Variants in MRC2 observed in about 807,000 individuals in gnomAD.
MRC2 encodes the protein mannose receptor C-type 2.
MRC2 carries 84 observed loss-of-function variants against 206.2 expected under a neutral mutation model. The observed-to-expected ratio is 0.41, with a 90% CI of 0.34 to 0.49. The LOEUF (loss-of-function observed/expected upper bound fraction) is 0.49, where lower values mean the gene tolerates loss of function less well. Ranked by LOEUF, MRC2 falls within the 20% of genes least tolerant of loss-of-function variation. MRC2 has a pLI of 0.31. For missense variants in MRC2, 1,676 were observed against 2,001.5 expected, an observed-to-expected ratio of 0.84 and a Z score of 3.10; for synonymous variants, 798 against 800.0, an observed-to-expected ratio of 1.00 and a Z score of 0.04.
rs903383664 is a variant in MRC2, at chr17:62,667,858, A to C, written c.1117+325A>C. Among the ~76,000 whole-genome samples the C allele has an allele frequency of 4.1e-4, 62 of 152,208 alleles. No individual in the cohort carries two copies. Among genetic ancestry groups the C allele is most frequent in the African/African-American group, 8.2e-4 (34 of 41,438 alleles). ...GTCATGAGTGATTATAGAAATATGG[A>C]TCAGTGTTAGAGGAGCATAGAGAAG... On this transcript the variant is annotated intron_variant, in intron 6 of 29. Coordinates refer to ENST00000303375, the MANE Select transcript of MRC2 (RefSeq NM_006039.5). The surrounding 1 kb of genome is among the most constrained non-coding windows in gnomAD (Gnocchi z 4.1).
chr17:62,677,290 T>G lies in MRC2; in HGVS notation c.1856T>G (p.Val619Gly), dbSNP rs770423487. The G allele has an allele frequency of 6.2e-7, 1 of 1,604,270 alleles. No homozygotes were observed. ...DQPGYSRGGC[V>G]ALATGSAMGL... is the part of the protein sequence containing the mutation. ...TCAGGGTACAGCCGTGGGGGCTGCG[T>G]GGCGCTGGCCACTGGCAGCGCCATG... Residue 619 changes from valine (V) to glycine (G), a missense_variant, in exon 12 of 30, where the codon GTG becomes GGG. Coordinates refer to ENST00000303375, the MANE Select transcript of MRC2 (RefSeq NM_006039.5).
chr17:62,671,635 A>C lies in MRC2; in HGVS notation c.1118-14A>C, dbSNP rs193117332. ...GGCTCAGTCCCTGAGCAGCAGCCTC[A>C]TGGGTCTCTGCAGACAGGTGGGCCA... On this transcript the variant is annotated splice_polypyrimidine_tract_variant and intron_variant, in intron 6 of 29. Transcript: ENST00000303375. This position sits in a 1 kb window ranked among gnomAD's most constrained non-coding sequence, Gnocchi z 4.5. 9.9e-5 allele frequency: 154 copies of C among 1,552,552 alleles called. No homozygotes were observed. In the African/African-American group the frequency reaches 1.7e-3, roughly 18 times the overall value.
At position 62,654,043 on chromosome 17, in the gene MRC2, G is replaced by A. The variant is rs76594561; in HGVS notation, c.119-10505G>A. Among the ~76,000 whole-genome samples the A allele has an allele frequency of 1.7e-3, 257 of 152,270 alleles. 4 individuals carry two copies. In the East Asian group the frequency reaches 0.042, roughly 25 times the overall value. On this transcript the variant is annotated intron_variant, in intron 1 of 29. Coordinates refer to ENST00000303375, the MANE Select transcript of MRC2 (RefSeq NM_006039.5). Reference sequence around the variant, plus strand: ...TGACTCAAGGACATTTCCAGGCCTGGCCTGGAGGTTAAGCAGCTCATTGAA... The same window carrying A: ...TGACTCAAGGACATTTCCAGGCCTGACCTGGAGGTTAAGCAGCTCATTGAA...
Position 62,680,650 on chromosome 17 carries a change from G to A in MRC2, c.2474-150G>A. ...GGAGGCGAGGCAAGCCTGGGGCCTG[G>A]GGCCTGGCACGGTGCCTGCCTGGGT... is the stretch of plus-strand genomic sequence containing the variant. On this transcript the variant is annotated intron_variant, in intron 16 of 29. Coordinates refer to ENST00000303375, the MANE Select transcript of MRC2 (RefSeq NM_006039.5). The surrounding 1 kb of genome is among the most constrained non-coding windows in gnomAD (Gnocchi z 4.8). The A allele has an allele frequency of 1.1e-5, 14 of 1,275,246 alleles. No individual in the cohort carries two copies. Among genetic ancestry groups the A allele is most frequent in the Non-Finnish European group, 1.5e-5 (14 of 950,432 alleles). 79.0% of individuals were successfully genotyped at this position (1,275,246 alleles called of 1,614,324 possible). A position where few individuals can be genotyped will look rare whatever the true frequency, so the allele number is the denominator to read the frequency against.
chr17:62,666,031 G>A lies in MRC2; in HGVS notation c.521-63G>A, dbSNP rs1192409243. 5.3e-6 allele frequency: 8 copies of A among 1,505,480 alleles called. No homozygotes were observed. The highest frequency in any genetic ancestry group is 2.5e-5 in the East Asian group (1 of 40,622). 93.3% of individuals were successfully genotyped at this position (1,505,480 alleles called of 1,614,324 possible). A position where few individuals can be genotyped will look rare whatever the true frequency, so the allele number is the denominator to read the frequency against. Reference sequence around the variant, plus strand: ...TTTTAGGGGATTTCTCCTGAGGGTCGAGGGGCTTGGCAGCCTCTGGTGTCC... The same window carrying A: ...TTTTAGGGGATTTCTCCTGAGGGTCAAGGGGCTTGGCAGCCTCTGGTGTCC... On this transcript the variant is annotated intron_variant, in intron 2 of 29. Coordinates refer to ENST00000303375, the MANE Select transcript of MRC2 (RefSeq NM_006039.5). This position sits in a 1 kb window ranked among gnomAD's most constrained non-coding sequence, Gnocchi z 5.0.
rs770045115 is a variant in MRC2 at position 62,689,877 on chromosome 17, T to TG, written c.3574-15dup. The TG allele has an allele frequency of 7.6e-6, 12 of 1,577,224 alleles. No homozygotes were observed. In the South Asian group the frequency reaches 1.4e-4, roughly 18 times the overall value. On this transcript the variant is annotated splice_polypyrimidine_tract_variant and intron_variant, in intron 24 of 29. Coordinates refer to ENST00000303375, the MANE Select transcript of MRC2 (RefSeq NM_006039.5). ...TGACTATTCCCTTCCTCCCACCCCA[T>TG]GGCCCCCCATGCCCAGGGCTCTCGG...
At chr17:62,647,106 G>T (rs764061558) in intron 1 of MRC2, among the ~76,000 whole-genome samples, 1 of 151,798 alleles carries the variant, frequency 6.6e-6, no homozygotes, top group South Asian at 2.1e-4. Flanking sequence ...GAACAAGAAT[G>T]CAAAAGCGTC....
chr17:62,666,749 G>T lies in MRC2; in HGVS notation c.860-8G>T, dbSNP rs945638657. ...GATCCCCTGTTCAGTGTCCCTCCTT[G>T]CTGTCAGGCCTCCTCACTGGGTACA... On this transcript the variant is annotated splice_polypyrimidine_tract_variant and splice_region_variant and intron_variant, in intron 4 of 29. Coordinates refer to ENST00000303375, the MANE Select transcript of MRC2 (RefSeq NM_006039.5). The surrounding 1 kb of genome is among the most constrained non-coding windows in gnomAD (Gnocchi z 5.0). 6.2e-7 allele frequency: 1 copy of T among 1,612,932 alleles called. No individual in the cohort carries two copies. Among genetic ancestry groups the T allele is most frequent in the Non-Finnish European group, 8.5e-7 (1 of 1,179,436 alleles).
At chr17:62,673,391 T>TAG (rs2088850710) in intron 8 of MRC2, among the ~76,000 whole-genome samples, 1 of 152,184 alleles carries the variant, frequency 6.6e-6, no homozygotes, top group Non-Finnish European at 1.5e-5. Context: ...AGGCACTAGC[T>TAG]AGACGCCTTG....
At chr17:62,628,035 G>T (rs921497644) in intron 1 of MRC2, 115 bp downstream of exon 1, 8 of 652,072 alleles carry the variant, frequency 1.2e-5, no homozygotes, top group South Asian at 6.6e-5. Context: ...AAGCGTGTGT[G>T]CGTGTGTGTG....
At position 62,664,774 on chromosome 17, in the gene MRC2, A is replaced by G. The variant is rs2147464003; in HGVS notation, c.345A>G (p.Glu115=). Residue 115 remains glutamate (E), a synonymous_variant, in exon 2 of 30, where the codon GAA becomes GAG. Coordinates refer to ENST00000303375, the MANE Select transcript of MRC2 (RefSeq NM_006039.5). The surrounding 1 kb of genome is among the most constrained non-coding windows in gnomAD (Gnocchi z 4.7). ...ASLGMYECDR[E]ALNLRWHCRT... is the part of the protein sequence containing the mutation. ...TGGGCATGTATGAGTGTGACCGGGA[A>G]GCACTGAATCTTCGCTGGCATTGTC... 6.2e-7 allele frequency: 1 copy of G among 1,614,030 alleles called. No individual in the cohort carries two copies. Among genetic ancestry groups the G allele is most frequent in the Non-Finnish European group, 8.5e-7 (1 of 1,180,036 alleles).
chr17:62,676,999 C>A (rs1294378114), intron 11 of MRC2, among the ~76,000 whole-genome samples: 2 of 152,256 alleles, frequency 1.3e-5, no homozygotes, highest in Admixed American at 6.5e-5. Context: ...ATCTTTCTAA[C>A]CCCTTCAATA....
chr17:62,655,986 C>G (rs1442263722), intron 1 of MRC2, among the ~76,000 whole-genome samples: 2 of 152,084 alleles, frequency 1.3e-5, no homozygotes, highest in Non-Finnish European at 2.9e-5. Flanking sequence ...GACTCCTCGG[C>G]TCAGTTATTC....
At chr17:62,632,384 G>A (rs1041121797) in intron 1 of MRC2, among the ~76,000 whole-genome samples, 1 of 152,120 alleles carries the variant, frequency 6.6e-6, no homozygotes, top group Non-Finnish European at 1.5e-5. Context: ...CTCTCACAGC[G>A]CAGACCCTTC....
rs140668460 is a variant in MRC2, at chr17:62,681,924, G to C, written c.2790G>C (p.Met930Ile). The C allele has an allele frequency of 6.2e-7, 1 of 1,613,684 alleles. No individual in the cohort carries two copies. Among genetic ancestry groups the C allele is most frequent in the Non-Finnish European group, 8.5e-7 (1 of 1,179,884 alleles). Residue 930 changes from methionine (M) to isoleucine (I), a missense_variant, in exon 19 of 30, where the codon ATG becomes ATC. Transcript: ENST00000303375. ...PVGKDKKCVYMTASREDWGDQ... is the reference protein window; with the variant it reads ...PVGKDKKCVYITASREDWGDQ... ...GCAAGGACAAGAAGTGCGTGTACAT[G>C]ACAGCCAGCCGAGGTGAGGGCAAGG...
chr17:62,666,691 G>A lies in MRC2; in HGVS notation c.860-66G>A. On this transcript the variant is annotated intron_variant, in intron 4 of 29. Coordinates refer to ENST00000303375, the MANE Select transcript of MRC2 (RefSeq NM_006039.5). This position sits in a 1 kb window ranked among gnomAD's most constrained non-coding sequence, Gnocchi z 5.0. Reference sequence around the variant, plus strand: ...CCTTTCCGCTTGTGGGTTGGGGAGAGGGCGATGGGGAGCGGGGGAGGCTGG... The same window carrying A: ...CCTTTCCGCTTGTGGGTTGGGGAGAAGGCGATGGGGAGCGGGGGAGGCTGG... The A allele has an allele frequency of 6.4e-7, 1 of 1,573,020 alleles. No homozygotes were observed. The highest frequency in any genetic ancestry group is 8.6e-7 in the Non-Finnish European group (1 of 1,158,330).
intron 8 of MRC2, 88 bp from the exon 9 acceptor site, chr17:62,673,975 G>T: frequency 1.9e-6 from 2 of 1,031,160 alleles, no homozygotes; most frequent in Non-Finnish European, 1.5e-6. Flanking sequence ...CAGAGACAGG[G>T]CCAGCTCTAG....
intron 2 of MRC2, among the ~76,000 whole-genome samples, chr17:62,665,520 A>G (rs1400926104): frequency 6.6e-6 from 1 of 152,212 alleles, no homozygotes; most frequent in African/African-American, 2.4e-5. Context: ...CAAATAGTAT[A>G]CAAGTATATA....
intron 12 of MRC2, among the ~76,000 whole-genome samples, 164 bp from the exon 13 acceptor site, chr17:62,678,340 C>T (rs2088919334): frequency 6.6e-6 from 1 of 152,246 alleles, no homozygotes; most frequent in Admixed American, 6.5e-5. Flanking sequence ...GCCAGCTCCC[C>T]TCCCCAGACC....
Sources: gnomAD v4.1 joint callset for allele counts (sites outside exome capture counted in the v4.1 genomes callset) on GRCh38, gnomAD v4.1.1 for gene constraint, Gnocchi (gnomAD v3.1) non-coding constraint, MANE v1.5 for transcripts, NCBI Gene and HGNC (gene_info 2026-07-23, HGNC 2026-07-21) for gene names.